TMEM117: variants seen among roughly 807,000 people sequenced by gnomAD.
The protein encoded by TMEM117 is transmembrane protein 117.
TMEM117 carries 27 observed loss-of-function variants against 52.4 expected under a neutral mutation model. That is an observed-to-expected ratio of 0.51 (90% CI 0.38 to 0.71). The LOEUF is 0.71. Ranked by LOEUF, TMEM117 falls within the 30% of genes least tolerant of loss-of-function variation. The pLI is 0.00. For synonymous variants in TMEM117, 215 were observed against 206.3 expected, an observed-to-expected ratio of 1.04 and a Z score of -0.36; for missense variants, 556 against 630.5, an observed-to-expected ratio of 0.88 and a Z score of 1.26.
chr12:44,210,355 T>G (rs1167861333), intron 4 of TMEM117, among the ~76,000 whole-genome samples: 2 of 152,158 alleles, frequency 1.3e-5, no homozygotes, highest in Non-Finnish European at 2.9e-5. Flanking sequence ...TCTAATAGAT[T>G]AACTATTTAT....
intron 5 of TMEM117, among the ~76,000 whole-genome samples, chr12:44,292,196 T>G (rs1950713271): frequency 6.6e-6 from 1 of 152,010 alleles, no homozygotes; most frequent in African/African-American, 2.4e-5. Flanking sequence ...TGGTAACTTG[T>G]ATGTTTCTAG....
At chr12:43,808,099 T>A in the TMEM117 span, among the ~76,000 whole-genome samples, 1 of 152,350 alleles carries the variant, frequency 6.6e-6, no homozygotes, top group East Asian at 1.9e-4. Context: ...CAAGTGTCTG[T>A]AAGAAACAAA....
At chr12:44,061,557 A>G (rs1366396987) in intron 3 of TMEM117, among the ~76,000 whole-genome samples, 2 of 152,162 alleles carry the variant, frequency 1.3e-5, no homozygotes, top group South Asian at 2.1e-4. Context: ...GTGAAACTCT[A>G]TGCTTCATGG....
intron 2 of TMEM117, among the ~76,000 whole-genome samples, chr12:43,911,681 G>A (rs1240090430): frequency 3.6e-4 from 52 of 144,238 alleles, no homozygotes; most frequent in Admixed American, 4.2e-4. Flanking sequence ...CAAAAAGTGG[G>A]CAAAGGACAT....
intron 2 of TMEM117, among the ~76,000 whole-genome samples, chr12:43,915,422 A>G (rs1944584586): frequency 6.6e-6 from 1 of 152,152 alleles, no homozygotes; most frequent in Non-Finnish European, 1.5e-5. Context: ...TTTTGTTTCT[A>G]GAGCTTCATT....
intron 3 of TMEM117, among the ~76,000 whole-genome samples, chr12:44,117,762 C>G (rs1565835321): frequency 6.6e-6 from 1 of 151,730 alleles, no homozygotes; most frequent in Non-Finnish European, 1.5e-5. Flanking sequence ...TGTGGTCAGC[C>G]ATTATTGTTT....
chr12:44,280,792 C>T (rs971425618), intron 5 of TMEM117, among the ~76,000 whole-genome samples: 2 of 151,972 alleles, frequency 1.3e-5, no homozygotes, highest in Non-Finnish European at 2.9e-5. Context: ...TTTACATTAC[C>T]TGAAGTAACA....
intron 4 of TMEM117, among the ~76,000 whole-genome samples, chr12:44,182,959 T>G (rs537261911): frequency 6.6e-6 from 1 of 152,320 alleles, no homozygotes; most frequent in Admixed American, 6.5e-5. Context: ...TTTACTTGAT[T>G]TTTTCATATT....
the TMEM117 span, chr12:43,805,395 A>C: frequency 1.1e-5 from 4 of 360,584 alleles, no homozygotes; most frequent in South Asian, 8.2e-5. Flanking sequence ...CGAATAAAAC[A>C]TACAATTAAG....
chr12:44,349,978 G>C (rs775283432), intron 6 of TMEM117, among the ~76,000 whole-genome samples: 2 of 151,940 alleles, frequency 1.3e-5, no homozygotes, highest in African/African-American at 4.8e-5. Flanking sequence ...ATGTCAGTTC[G>C]AGGAAGTGAA....
At chr12:43,805,913 G>C in the TMEM117 span, 6 of 1,496,108 alleles carry the variant, frequency 4.0e-6, no homozygotes, top group Non-Finnish European at 5.4e-6. Context: ...GGAAAGTTGG[G>C]CGACTGTCGG....
intron 2 of TMEM117, among the ~76,000 whole-genome samples, chr12:43,920,508 A>G (rs1242898345): frequency 2.0e-5 from 3 of 151,732 alleles, no homozygotes; most frequent in East Asian, 1.9e-4. Flanking sequence ...CTGAGACTCA[A>G]AAAAATGACT....
At chr12:43,873,097 CAG>C (rs1418199205) in intron 2 of TMEM117, among the ~76,000 whole-genome samples, 4 of 152,104 alleles carry the variant, frequency 2.6e-5, no homozygotes, top group South Asian at 2.1e-4. Flanking sequence ...TGAGGAGAGA[CAG>C]AGGATTTTGC....
intron 7 of TMEM117, among the ~76,000 whole-genome samples, chr12:44,382,624 T>C (rs1399602859): frequency 6.6e-6 from 1 of 152,208 alleles, no homozygotes; most frequent in African/African-American, 2.4e-5. Context: ...ATAACCACTT[T>C]TCTTCTTTCT....
At position 44,265,171 on chromosome 12, in the gene TMEM117, G is replaced by A. The variant is rs142705910; in HGVS notation, c.609-34409G>A. Among the ~76,000 whole-genome samples the A allele has an allele frequency of 1.9e-3, 285 of 152,214 alleles. 1 individual carries two copies. Among genetic ancestry groups the A allele is most frequent in the African/African-American group, 6.6e-3 (275 of 41,532 alleles). ...AGGTTTAAGCGGAACACTATATAACGAGAAGCCAGTAAAGGAAAGAGACCA... is the reference window on the plus strand; with the variant it reads ...AGGTTTAAGCGGAACACTATATAACAAGAAGCCAGTAAAGGAAAGAGACCA... On this transcript the variant is annotated intron_variant, in intron 5 of 7. Coordinates refer to ENST00000266534, the MANE Select transcript of TMEM117 (RefSeq NM_032256.3).
chr12:44,165,831 A>C (rs1336275697), intron 4 of TMEM117, among the ~76,000 whole-genome samples: 4 of 152,190 alleles, frequency 2.6e-5, no homozygotes, highest in Non-Finnish European at 4.4e-5. Flanking sequence ...ACAGAAAATC[A>C]ACAAAGAAAC....
At chr12:43,871,810 G>T (rs1427855499) in intron 2 of TMEM117, among the ~76,000 whole-genome samples, 1 of 152,186 alleles carries the variant, frequency 6.6e-6, no homozygotes, top group Non-Finnish European at 1.5e-5. Context: ...TTTTCCCTTT[G>T]TTCACAGCAC....
At chr12:44,187,198 T>C (rs189182337) in intron 4 of TMEM117, among the ~76,000 whole-genome samples, 2 of 152,300 alleles carry the variant, frequency 1.3e-5, no homozygotes, top group African/African-American at 4.8e-5. Context: ...TTTGCTTATT[T>C]ATTTCCTCCA....
the TMEM117 span, chr12:43,806,146 C>G: frequency 1.2e-5 from 18 of 1,506,966 alleles, no homozygotes; most frequent in African/African-American, 2.8e-5. Flanking sequence ...CCAGCCCTGC[C>G]GGTCCTGCAG....
Sources: gnomAD v4.1 joint callset for allele counts (sites outside exome capture counted in the v4.1 genomes callset) on GRCh38, gnomAD v4.1.1 for gene constraint, MANE v1.5 for transcripts, NCBI Gene and HGNC (gene_info 2026-07-23, HGNC 2026-07-21) for gene names.